Variants in NRG1 observed in about 807,000 individuals in gnomAD.
NRG1 encodes neuregulin 1, also known as pro-neuregulin-1, membrane-bound isoform.
NRG1 carries 18 observed loss-of-function variants against 63.8 expected under a neutral mutation model. The ratio of observed to expected loss-of-function variants is 0.28; its 90% CI spans 0.19 to 0.42. NRG1 has a LOEUF of 0.42. NRG1 is among the 10% of genes least tolerant of loss of function. NRG1 has a pLI of 1.00. For synonymous variants in NRG1, 302 were observed against 301.3 expected (o/e 1.00, Z -0.02); for missense variants, 762 against 814.7 (o/e 0.94, Z 0.79).
chr8:32,061,448 A>G (rs1257357405), intron 1 of NRG1, among the ~76,000 whole-genome samples: 2 of 151,908 alleles, frequency 1.3e-5, no homozygotes, highest in Non-Finnish European at 2.9e-5. Flanking sequence ...CCTACCCAAT[A>G]GGTACACATT....
chr8:31,846,099 C>T (rs897743411), intron 1 of NRG1, among the ~76,000 whole-genome samples: 33 of 152,194 alleles, frequency 2.2e-4, no homozygotes, highest in Admixed American at 1.8e-3. Flanking sequence ...AATCTTTTCA[C>T]CCAAGGTTTT....
intron 1 of NRG1, among the ~76,000 whole-genome samples, chr8:32,234,459 A>T (rs989944070): frequency 7.2e-5 from 11 of 152,174 alleles, no homozygotes; most frequent in African/African-American, 2.4e-4. Context: ...TAGTTTAGAA[A>T]ACTGAGCCTC....
In NRG1 at chr8:32,190,601, C is replaced by T. The variant is rs149677802; in HGVS notation, c.38-405227C>T. Among the ~76,000 whole-genome samples, 113 of 152,232 alleles carry T rather than the reference C, an allele frequency of 7.4e-4. No homozygotes were observed. In the East Asian group the frequency reaches 0.02, roughly 26 times the overall value. On this transcript the variant is annotated intron_variant, in intron 1 of 10. Coordinates refer to the NRG1 transcript ENST00000519301. The stretch of plus-strand genomic sequence containing the variant: ...AAAATTTCATGACCAAAACAGCTAT[C>T]GGGATGGTGTTTCCCTTGAAATGTC...
chr8:32,455,959 T>A (rs2129488400), intron 1 of NRG1, among the ~76,000 whole-genome samples: 1 of 152,292 alleles, frequency 6.6e-6, no homozygotes, highest in South Asian at 2.1e-4. Flanking sequence ...TTTTTTTGTA[T>A]TTTTAGCAGA....
intron 1 of NRG1, among the ~76,000 whole-genome samples, chr8:32,524,331 A>G (rs1160261918): frequency 6.6e-6 from 1 of 152,060 alleles, no homozygotes; most frequent in African/African-American, 2.4e-5. Context: ...AGCAATGTTT[A>G]ACAGTGCCTA....
At chr8:32,693,290 C>T (rs939749633) in intron 5 of NRG1, among the ~76,000 whole-genome samples, 3 of 150,992 alleles carry the variant, frequency 2.0e-5, no homozygotes, top group Non-Finnish European at 2.9e-5. Flanking sequence ...ACAATCTCGG[C>T]GCACTGCAAC....
intron 1 of NRG1, among the ~76,000 whole-genome samples, chr8:31,741,921 G>C (rs1815316435): frequency 6.6e-6 from 1 of 151,752 alleles, no homozygotes; most frequent in African/African-American, 2.4e-5. Context: ...GCAAAAAACT[G>C]AAAAAAACTG....
chr8:31,643,918 A>G (rs923149882), intron 1 of NRG1, among the ~76,000 whole-genome samples: 2 of 152,238 alleles, frequency 1.3e-5, no homozygotes, highest in African/African-American at 4.8e-5. Flanking sequence ...TTCTGATCTT[A>G]CAAGCCAATA....
At chr8:31,675,235 G>C (rs1011199145) in intron 1 of NRG1, among the ~76,000 whole-genome samples, 2 of 152,122 alleles carry the variant, frequency 1.3e-5, no homozygotes, top group Non-Finnish European at 2.9e-5. Context: ...CCAGCTACTC[G>C]GGAGGCTGAG....
At chr8:32,734,604 A>C (rs1824534782) in intron 6 of NRG1, among the ~76,000 whole-genome samples, 1 of 152,204 alleles carries the variant, frequency 6.6e-6, no homozygotes, top group African/African-American at 2.4e-5. Context: ...ACTCATGTGG[A>C]TCTAGATAGT....
chr8:31,953,052 T>C (rs1803733009), intron 1 of NRG1, among the ~76,000 whole-genome samples: 1 of 152,126 alleles, frequency 6.6e-6, no homozygotes, highest in African/African-American at 2.4e-5. Context: ...AATTTGTAGG[T>C]TTGGGCCTCA....
intron 1 of NRG1, among the ~76,000 whole-genome samples, chr8:32,436,059 C>A (rs1331499981): frequency 2.6e-5 from 4 of 152,062 alleles, no homozygotes; most frequent in Non-Finnish European, 5.9e-5. Flanking sequence ...TAAAGACATA[C>A]CTGAGACTGG....
At chr8:32,674,283 A>G (rs1806475548) in intron 5 of NRG1, among the ~76,000 whole-genome samples, 2 of 152,232 alleles carry the variant, frequency 1.3e-5, no homozygotes, top group East Asian at 3.8e-4. Context: ...ACAGAAAATA[A>G]AAAGTAATGT....
chr8:31,977,761 A>C (rs1045757058), intron 1 of NRG1, among the ~76,000 whole-genome samples: 2 of 152,184 alleles, frequency 1.3e-5, no homozygotes, highest in Admixed American at 6.5e-5. Context: ...GTCTTTCACC[A>C]GGTATCGATA....
At chr8:32,552,749 G>A (rs1311724668) in intron 1 of NRG1, among the ~76,000 whole-genome samples, 4 of 152,222 alleles carry the variant, frequency 2.6e-5, no homozygotes, top group East Asian at 3.9e-4. Flanking sequence ...CAGGAAGAGC[G>A]GAAGAAAGTT....
intron 1 of NRG1, among the ~76,000 whole-genome samples, chr8:31,743,768 A>G (rs1355531978): frequency 6.6e-6 from 1 of 152,018 alleles, no homozygotes; most frequent in Non-Finnish European, 1.5e-5. Context: ...CACAAAAGCT[A>G]TGATTTTTCA....
At chr8:32,448,707 T>C (rs1801731508) in intron 1 of NRG1, among the ~76,000 whole-genome samples, 2 of 152,042 alleles carry the variant, frequency 1.3e-5, no homozygotes, top group Non-Finnish European at 2.9e-5. Context: ...GGGAGGTGGA[T>C]TGTAGCTTTT....
chr8:32,671,004 C>A (rs968876591), intron 5 of NRG1, among the ~76,000 whole-genome samples: 1 of 152,144 alleles, frequency 6.6e-6, no homozygotes, highest in Admixed American at 6.5e-5. Context: ...ACCCAGATTT[C>A]TGTTAGCCCC....
In NRG1 at chr8:32,602,848, A is replaced by T. The variant is rs536384366; in HGVS notation, c.279-2714A>T. Among the ~76,000 whole-genome samples, 913 of 152,292 alleles carry T rather than the reference A, an allele frequency of 6.0e-3. 7 individuals carry two copies. The highest frequency in any genetic ancestry group is 9.1e-3 in the Non-Finnish European group (617 of 68,014). ...TCATGAAGGAAACTTGTCATATATG[A>T]TCAAAGTAGATATATAGCTGATAAT... On this transcript the variant is annotated intron_variant, in intron 2 of 11. Coordinates refer to ENST00000356819, the Ensembl canonical transcript of NRG1.
Sources: allele counts gnomAD v4.1 joint callset (sites outside exome capture counted in the v4.1 genomes callset), GRCh38; gene constraint gnomAD v4.1.1; transcripts MANE v1.5; gene names NCBI Gene and HGNC (gene_info 2026-07-23, HGNC 2026-07-21).